The following KCNU1 variants were observed in gnomAD, a reference collection of about 807,000 sequenced individuals.
KCNU1 encodes the protein potassium calcium-activated channel subfamily U member 1, also known as potassium channel subfamily U member 1.
A neutral mutation model predicts 126.8 loss-of-function variants in KCNU1; 93 were observed. The observed-to-expected ratio is 0.73, with a 90% CI of 0.62 to 0.87. The LOEUF (loss-of-function observed/expected upper bound fraction) is 0.87. Ranked by LOEUF, KCNU1 falls within the 40% of genes least tolerant of loss-of-function variation. The pLI, the probability that KCNU1 is intolerant of heterozygous loss-of-function variation, is 0.00. For missense variants in KCNU1, 1,330 were observed against 1,367.1 expected (o/e 0.97, Z 0.43); for synonymous variants, 523 against 494.2 (o/e 1.06, Z -0.77).
intron 13 of KCNU1, 50 bp from the exon 14 acceptor site, chr8:36,836,743 T>C: frequency 1.3e-6 from 2 of 1,541,486 alleles, no homozygotes; most frequent in Non-Finnish European, 1.8e-6. Context: ...AAGAGCTTTC[T>C]TGAGGTGTGT....
At chr8:36,897,871 T>C (rs1807259674) in intron 19 of KCNU1, among the ~76,000 whole-genome samples, 1 of 152,118 alleles carries the variant, frequency 6.6e-6, no homozygotes, top group South Asian at 2.1e-4. Flanking sequence ...AAAATAGCCA[T>C]TGTGTAACAC....
intron 17 of KCNU1, 37 bp downstream of exon 17, chr8:36,845,706 C>A: frequency 2.0e-6 from 3 of 1,486,990 alleles, no homozygotes; most frequent in Non-Finnish European, 2.8e-6. Context: ...AGCACTAAAG[C>A]AACTACAGCT....
rs1807781549 is a variant in KCNU1 at position 36,909,527 on chromosome 8, A to G, written c.2323A>G (p.Ile775Val). The G allele has an allele frequency of 6.4e-7, 1 of 1,565,988 alleles. No individual in the cohort carries two copies. Among genetic ancestry groups the G allele is most frequent in the South Asian group, 1.1e-5 (1 of 90,042 alleles). Residue 775 changes from isoleucine (I) to valine (V), a missense_variant, in exon 21 of 27, where the codon ATT (isoleucine) becomes GTT (valine). Ile to Val is a conservative substitution (Grantham distance 29, BLOSUM62 3). This residue lies in a region of KCNU1 where 1,054 missense variants were observed against 1,053.9 expected (regional missense o/e 1.00). Transcript: ENST00000399881. ...RFLWNFPQIY[I>V]LPGCALYSGD... Reference sequence around the variant, plus strand: ...TCTCTGGAATTTTCCCCAGATATACATTCTGCCTGTAAGTATCATATAAGG... The same window carrying G: ...TCTCTGGAATTTTCCCCAGATATACGTTCTGCCTGTAAGTATCATATAAGG...
chr8:36,850,947 A>G (rs1301897273), intron 18 of KCNU1, among the ~76,000 whole-genome samples: 1 of 152,158 alleles, frequency 6.6e-6, no homozygotes, highest in Admixed American at 6.6e-5. Context: ...TATATGTGTA[A>G]CCTTATGCAA....
intron 19 of KCNU1, among the ~76,000 whole-genome samples, chr8:36,885,185 A>C (rs1461682833): frequency 6.6e-6 from 1 of 152,208 alleles, no homozygotes; most frequent in Non-Finnish European, 1.5e-5. Context: ...ACCAGGCTCT[A>C]GGAATTTTCC....
In KCNU1 at chr8:36,864,456, A is replaced by G; in HGVS notation, c.1944A>G (p.Ile648Met). The G allele has an allele frequency of 6.2e-7, 1 of 1,613,252 alleles. No homozygotes were observed. The highest frequency in any genetic ancestry group is 8.5e-7 in the Non-Finnish European group (1 of 1,179,284). The change falls in exon 19 of 27, where the codon ATA becomes ATG. Residue 648 changes from isoleucine to methionine, a missense_variant. Physicochemically the swap from Ile to Met is conservative, Grantham distance 10. Coordinates refer to ENST00000399881, the MANE Select transcript of KCNU1 (RefSeq NM_001031836.3). The stretch of plus-strand genomic sequence containing the variant: ...GTCTGAAGGGAATCTCCTCTCGTAT[A>G]TCAGGGCAGGATTCTCCGCCAAGGG... Reference protein sequence around the residue: ...KKCLKGISSRISGQDSPPRVS... With the variant: ...KKCLKGISSRMSGQDSPPRVS...
rs371959323 is a variant in KCNU1, at chr8:36,831,787, G to T, written c.1107-1767G>T. ...AATTAGATCCCATTTGTCAATTTTGGCTTTTGTTGCCATTGCTTTTGGTGT... is the reference window on the plus strand; with the variant it reads ...AATTAGATCCCATTTGTCAATTTTGTCTTTTGTTGCCATTGCTTTTGGTGT... On this transcript the variant is annotated intron_variant, in intron 10 of 26. Transcript: ENST00000399881. Among the ~76,000 whole-genome samples the T allele has an allele frequency of 6.7e-5, 10 of 149,634 alleles. No homozygotes were observed. The East Asian group carries it at 1.6e-3, about 23-fold the overall frequency.
intron 18 of KCNU1, among the ~76,000 whole-genome samples, chr8:36,859,895 T>C (rs1221513200): frequency 1.3e-5 from 2 of 152,220 alleles, no homozygotes; most frequent in African/African-American, 4.8e-5. Context: ...GTTATATTAA[T>C]ATAAAAAGCA....
At chr8:36,806,666 A>G (rs1003958306) in intron 5 of KCNU1, among the ~76,000 whole-genome samples, 3 of 152,130 alleles carry the variant, frequency 2.0e-5, no homozygotes, top group African/African-American at 7.2e-5. Context: ...TAGCACCTTT[A>G]TGCTGGGATC....
At chr8:36,915,301 A>G (rs1472925195) in intron 22 of KCNU1, among the ~76,000 whole-genome samples, 1 of 152,220 alleles carries the variant, frequency 6.6e-6, no homozygotes, top group African/African-American at 2.4e-5. Flanking sequence ...AGGTACCCTG[A>G]AAAGGGTATG....
At chr8:36,925,687 G>A (rs1191958206) in intron 24 of KCNU1, among the ~76,000 whole-genome samples, 1 of 152,126 alleles carries the variant, frequency 6.6e-6, no homozygotes, top group East Asian at 1.9e-4. Context: ...GGGACCATTT[G>A]ATTTTGGGTG....
intron 18 of KCNU1, among the ~76,000 whole-genome samples, chr8:36,848,889 G>T (rs200991409): frequency 2.0e-5 from 3 of 152,152 alleles, no homozygotes; most frequent in South Asian, 2.1e-4. Flanking sequence ...TGTGGGGGAG[G>T]GGGGTGGAGA....
chr8:36,845,830 G>C lies in KCNU1; in HGVS notation c.1822G>C (p.Asp608His), dbSNP rs752729560. ...CTTGTTTTACTGTTCAGTCTGTCAT[G>C]ATGATGTGTTCATTCCTGAGCTAAT... ...RALFYCSVCH[D>H]DVFIPELITN... Residue 608 changes from aspartate (D) to histidine (H), a missense_variant, in exon 18 of 27, where the codon GAT (aspartate) becomes CAT (histidine). By Grantham distance (81) the Asp-to-His change is moderately conservative. Around this residue, in one of 3 missense-constraint regions of KCNU1, gnomAD observed 1,054 missense variants for 1,053.9 expected, o/e 1.00. Transcript: ENST00000399881. The C allele has an allele frequency of 3.0e-5, 48 of 1,610,126 alleles. No individual in the cohort carries two copies. Among genetic ancestry groups the C allele is most frequent in the Non-Finnish European group, 3.7e-5 (43 of 1,177,588 alleles).
chr8:36,808,618 C>T, intron 6 of KCNU1, 100 bp from the exon 7 acceptor site: 1 of 741,702 alleles, frequency 1.3e-6, no homozygotes, highest in Non-Finnish European at 2.4e-6. Flanking sequence ...TCCTTCTGGT[C>T]CATGAGCCAC....
intron 10 of KCNU1, among the ~76,000 whole-genome samples, 161 bp downstream of exon 10, chr8:36,817,921 T>C (rs1277880474): frequency 6.6e-6 from 1 of 152,202 alleles, no homozygotes; most frequent in Non-Finnish European, 1.5e-5. Context: ...AGCTAATCTC[T>C]GCAAATATTT....
chr8:36,843,110 A>T (rs1161351191), intron 16 of KCNU1, among the ~76,000 whole-genome samples: 3 of 152,218 alleles, frequency 2.0e-5, no homozygotes, highest in Non-Finnish European at 4.4e-5. Flanking sequence ...CTACAACCAC[A>T]TGCCCTTAAG....
chr8:36,908,240 C>T (rs1439506249), intron 20 of KCNU1, among the ~76,000 whole-genome samples: 1 of 152,140 alleles, frequency 6.6e-6, no homozygotes, highest in Non-Finnish European at 1.5e-5. Context: ...TTATGAGTCT[C>T]TATGACTGTG....
At chr8:36,792,848 G>A (rs1436356508) in intron 2 of KCNU1, among the ~76,000 whole-genome samples, 4 of 152,034 alleles carry the variant, frequency 2.6e-5, no homozygotes, top group Non-Finnish European at 5.9e-5. Context: ...TATAGGTATT[G>A]TTATTAATAT....
At chr8:36,839,166 T>A (rs1465207871) in intron 14 of KCNU1, among the ~76,000 whole-genome samples, 1 of 152,218 alleles carries the variant, frequency 6.6e-6, no homozygotes, top group East Asian at 1.9e-4. Flanking sequence ...TTGATCATAT[T>A]GTGAGAAATT....
Sources: gnomAD v4.1 joint callset for allele counts (sites outside exome capture counted in the v4.1 genomes callset) on GRCh38, gnomAD v4.1.1 for gene constraint, gnomAD v4.1.1 regional missense constraint, MANE v1.5 for transcripts, NCBI Gene and HGNC (gene_info 2026-07-23, HGNC 2026-07-21) for gene names.